CREBRF: variants seen among roughly 807,000 people sequenced by gnomAD.
CREBRF encodes the protein UPF0474 protein C5orf41.
A neutral mutation model predicts 66.1 loss-of-function variants in CREBRF; 5 were observed. The ratio of observed to expected loss-of-function variants is 0.08; its 90% confidence interval spans 0.04 to 0.16. The LOEUF is 0.16. Ranked by LOEUF, CREBRF falls within the 10% of genes least tolerant of loss-of-function variation. The pLI, the probability that CREBRF is intolerant of heterozygous loss-of-function variation, is 1.00. For synonymous variants in CREBRF, 229 were observed against 264.4 expected, an observed-to-expected ratio of 0.87 and a Z score of 1.30; for missense variants, 531 against 744.9, an observed-to-expected ratio of 0.71 and a Z score of 3.34.
chr5:173,062,153 T>G (rs1161260717), intron 1 of CREBRF, among the ~76,000 whole-genome samples: 2 of 152,198 alleles, frequency 1.3e-5, no homozygotes, highest in Admixed American at 1.3e-4. Context: ...TAAAGTCTTG[T>G]ACTTTGAATA....
chr5:173,058,410 G>A (rs1456381562), intron 1 of CREBRF, among the ~76,000 whole-genome samples: 1 of 151,994 alleles, frequency 6.6e-6, no homozygotes, highest in Non-Finnish European at 1.5e-5. Flanking sequence ...AGAGTTAGCT[G>A]TATTAAGAAT....
At chr5:173,058,995 C>G (rs376807962) in intron 1 of CREBRF, among the ~76,000 whole-genome samples, 1 of 151,480 alleles carries the variant, frequency 6.6e-6, no homozygotes, top group East Asian at 1.9e-4. Flanking sequence ...CGGGGTTTCA[C>G]CACGTGCTGG....
chr5:173,080,476 A>G lies in CREBRF; in HGVS notation c.-191-109A>G, dbSNP rs1757908062. 7 of 390,162 alleles carry G rather than the reference A, an allele frequency of 1.8e-5. No individual in the cohort carries two copies. In the South Asian group the frequency reaches 3.1e-4, roughly 17 times the overall value. The allele number at this position is 390,162 out of a possible 1,614,324, so 24.2% of individuals were successfully genotyped here. On this transcript the variant is annotated intron_variant, in intron 1 of 8. Coordinates refer to ENST00000296953, the MANE Select transcript of CREBRF (RefSeq NM_153607.3). The stretch of plus-strand genomic sequence containing the variant: ...ACTCAACCATAAGACTTACTCATTT[A>G]AAGTACAGTATTCTCTGCTAATATT...
At chr5:173,086,395 C>T in intron 2 of CREBRF, 106 bp from the exon 3 acceptor site, 1 of 1,014,772 alleles carries the variant, frequency 9.9e-7, no homozygotes, top group Non-Finnish European at 1.5e-6. Context: ...GAAATGTTTT[C>T]TGAAAAGAAT....
In CREBRF at chr5:173,129,928, C is replaced by T. The variant is rs553819753; in HGVS notation, c.1805-3702C>T. On this transcript the variant is annotated intron_variant, in intron 8 of 8. Transcript: ENST00000296953. ...TGCACCTCTGCCTCCCAGGTTCAAG[C>T]GATTCTCCTGCCTCAGCCTCCTGAG... Among the ~76,000 whole-genome samples the T allele has an allele frequency of 7.2e-5, 11 of 152,026 alleles. No individual in the cohort carries two copies. The South Asian group carries it at 1.7e-3, about 23-fold the overall frequency.
Position 173,080,768 on chromosome 5 carries a change from G to C in CREBRF, c.-8G>C. ...TTGGAATCGGATTCACAGGATCTGG[G>C]CTTGGAAATGCCTCAGGTAAATCAT... is the stretch of plus-strand genomic sequence containing the variant. On this transcript the variant is annotated 5_prime_UTR_variant, in exon 2 of 9. Transcript: ENST00000296953. The C allele has an allele frequency of 6.2e-7, 1 of 1,613,598 alleles. No individual in the cohort carries two copies. The highest frequency in any genetic ancestry group is 8.5e-7 in the Non-Finnish European group (1 of 1,179,692).
intron 4 of CREBRF, among the ~76,000 whole-genome samples, chr5:173,106,291 G>C (rs1231964702): frequency 7.2e-5 from 11 of 151,936 alleles, no homozygotes; most frequent in Admixed American, 6.6e-4. Flanking sequence ...TTAGCCAGGC[G>C]TGGTGGTGGG....
intron 4 of CREBRF, among the ~76,000 whole-genome samples, chr5:173,107,955 C>G (rs1047238091): frequency 2.6e-5 from 4 of 151,642 alleles, no homozygotes; most frequent in African/African-American, 9.7e-5. Context: ...TCTGTGCCTC[C>G]CGAGTAGCTG....
At chr5:173,066,746 C>T (rs1757446017) in intron 1 of CREBRF, among the ~76,000 whole-genome samples, 1 of 146,220 alleles carries the variant, frequency 6.8e-6, no homozygotes, top group South Asian at 2.2e-4. Context: ...TCTTTTGAGT[C>T]TGACTTCTTT....
At chr5:173,122,927 C>A (rs1217443590) in intron 7 of CREBRF, among the ~76,000 whole-genome samples, 153 bp from the exon 8 acceptor site, 1 of 151,522 alleles carries the variant, frequency 6.6e-6, no homozygotes, top group Non-Finnish European at 1.5e-5. Context: ...AGGACATGAA[C>A]TCATCATTTT....
intron 1 of CREBRF, among the ~76,000 whole-genome samples, chr5:173,060,748 T>A (rs1436856175): frequency 1.3e-5 from 2 of 151,522 alleles, no homozygotes; most frequent in East Asian, 3.9e-4. Context: ...TGGAACAGGA[T>A]CAAATAGTTA....
At chr5:173,083,525 A>G (rs1758035142) in intron 2 of CREBRF, among the ~76,000 whole-genome samples, 1 of 151,974 alleles carries the variant, frequency 6.6e-6, no homozygotes, top group Admixed American at 6.6e-5. Context: ...TACCAAGGAG[A>G]TTTTTGGGTA....
At chr5:173,079,677 AAAC>A (rs1203021857) in intron 1 of CREBRF, among the ~76,000 whole-genome samples, 3 of 152,134 alleles carry the variant, frequency 2.0e-5, no homozygotes, top group South Asian at 2.1e-4. Context: ...GCGTATTAAA[AAAC>A]ATTGCTGGTA....
intron 2 of CREBRF, chr5:173,086,270 C>T (rs1275682839): frequency 7.2e-6 from 5 of 691,112 alleles, no homozygotes; most frequent in Non-Finnish European, 2.6e-6. Flanking sequence ...AGCTTCTCCA[C>T]TGGGGCATTG....
At chr5:173,125,707 AC>A (rs1357296814) in intron 8 of CREBRF, among the ~76,000 whole-genome samples, 1 of 111,964 alleles carries the variant, frequency 8.9e-6, no homozygotes, top group African/African-American at 2.8e-5. Flanking sequence ...TACTAAAAAT[AC>A]AAAAAAAAAG....
At chr5:173,061,388 A>G (rs1341103828) in intron 1 of CREBRF, among the ~76,000 whole-genome samples, 1 of 152,228 alleles carries the variant, frequency 6.6e-6, no homozygotes, top group African/African-American at 2.4e-5. Flanking sequence ...TTTTTAGTAC[A>G]AGAGCATATG....
chr5:173,118,073 A>C (rs1400982634), intron 7 of CREBRF, among the ~76,000 whole-genome samples: 1 of 152,012 alleles, frequency 6.6e-6, no homozygotes, highest in African/African-American at 2.4e-5. Context: ...ACAGGGTTTC[A>C]CCATGTTAGC....
chr5:173,069,833 A>G (rs1757546076), intron 1 of CREBRF, among the ~76,000 whole-genome samples: 1 of 152,106 alleles, frequency 6.6e-6, no homozygotes, highest in Admixed American at 6.5e-5. Context: ...GTAGGAAGGA[A>G]TTTGAATATA....
intron 2 of CREBRF, chr5:173,085,928 C>T: frequency 2.5e-6 from 3 of 1,216,752 alleles, no homozygotes; most frequent in Non-Finnish European, 2.4e-6. Flanking sequence ...TAGGCACCCA[C>T]TTTTTTTCAC....
Sources: allele counts gnomAD v4.1 joint callset (sites outside exome capture counted in the v4.1 genomes callset), GRCh38; gene constraint gnomAD v4.1.1; transcripts MANE v1.5; gene names NCBI Gene and HGNC (gene_info 2026-07-23, HGNC 2026-07-21).